CREBRF: variants seen among roughly 807,000 people sequenced by gnomAD.
CREBRF encodes the protein CREB3 regulatory factor, also known as UPF0474 protein C5orf41.
In CREBRF, 5 loss-of-function variants were observed where a neutral mutation model predicts 66.1. The observed-to-expected ratio is 0.08, with a 90% CI of 0.04 to 0.16. CREBRF has a LOEUF of 0.16. Ranked by LOEUF, CREBRF falls within the 10% of genes least tolerant of loss-of-function variation. CREBRF has a pLI of 1.00. For synonymous variants in CREBRF, 229 were observed against 264.4 expected, an observed-to-expected ratio of 0.87 and a Z score of 1.30; for missense variants, 531 against 744.9, an observed-to-expected ratio of 0.71 and a Z score of 3.34.
chr5:173,123,147 T>C lies in CREBRF; in HGVS notation c.1749T>C (p.Asp583=). The change falls in exon 8 of 9, where the codon GAT becomes GAC. Residue 583 remains aspartate (D), a synonymous_variant. Coordinates refer to ENST00000296953, the MANE Select transcript of CREBRF (RefSeq NM_153607.3). ...EIVNRVQNPR[D]ERGPNMGQKL... is the part of the protein sequence containing the mutation. ...TAAACCGGGTACAGAATCCAAGAGA[T>C]GAGAGAGGACCCAACATGGGGCAGA... is the stretch of plus-strand genomic sequence containing the variant. The C allele has an allele frequency of 6.2e-7, 1 of 1,605,898 alleles. No individual in the cohort carries two copies. Among genetic ancestry groups the C allele is most frequent in the Admixed American group, 1.8e-5 (1 of 56,968 alleles).
At chr5:173,114,653 G>A (rs913278504) in intron 7 of CREBRF, among the ~76,000 whole-genome samples, 2 of 152,068 alleles carry the variant, frequency 1.3e-5, no homozygotes, top group Non-Finnish European at 2.9e-5. Context: ...ATTGTTCCAG[G>A]GACTAGCTTC....
chr5:173,138,002 C>T lies in CREBRF; in HGVS notation c.*4257C>T, dbSNP rs987279875. 14 of 152,076 alleles carry T rather than the reference C, an allele frequency of 9.2e-5. No individual in the cohort carries two copies. The highest frequency in any genetic ancestry group is 3.4e-4 in the African/African-American group (14 of 41,394). The allele number at this position is 152,076 out of a possible 1,614,324, so 9.4% of individuals were successfully genotyped here. A position where few individuals can be genotyped will look rare whatever the true frequency, so the allele number is the denominator to read the frequency against. On this transcript the variant is annotated 3_prime_UTR_variant, in exon 9 of 9. Coordinates refer to ENST00000296953, the MANE Select transcript of CREBRF (RefSeq NM_153607.3). The stretch of plus-strand genomic sequence containing the variant: ...AATTTTGAGAATGCATTGAATTATG[C>T]TTTCAGTGTTAAAGTAAAAGGTTTC...
chr5:173,082,586 C>CA (rs574806715), intron 2 of CREBRF, among the ~76,000 whole-genome samples: 1,424 of 130,120 alleles, frequency 0.011, 15 homozygotes, highest in South Asian at 0.026. Context: ...CAGAAACTTG[C>CA]AAAAAAAAAA....
At chr5:173,066,806 ATCTTT>A (rs1220825343) in intron 1 of CREBRF, among the ~76,000 whole-genome samples, 5 of 136,600 alleles carry the variant, frequency 3.7e-5, no homozygotes, top group Non-Finnish European at 6.2e-5. Context: ...TATTCATTGA[ATCTTT>A]TTTTTTTTTT....
chr5:173,126,670 A>AT (rs1759283015), intron 8 of CREBRF, among the ~76,000 whole-genome samples: 1 of 151,754 alleles, frequency 6.6e-6, no homozygotes, highest in Non-Finnish European at 1.5e-5. Context: ...CTATATGGAA[A>AT]TTTTTTTTTG....
intron 3 of CREBRF, among the ~76,000 whole-genome samples, chr5:173,087,208 A>G (rs1004347822): frequency 1.3e-5 from 2 of 151,876 alleles, no homozygotes; most frequent in Non-Finnish European, 1.5e-5. Flanking sequence ...CGGCCTCCCA[A>G]AGTCCTGGGA....
intron 8 of CREBRF, among the ~76,000 whole-genome samples, chr5:173,126,205 A>C (rs556434852): frequency 1.1e-4 from 17 of 152,070 alleles, no homozygotes; most frequent in African/African-American, 4.1e-4. Context: ...CAGTGGCGTG[A>C]TCTTGGCTCC....
chr5:173,075,948 T>C (rs1757748690), intron 1 of CREBRF, among the ~76,000 whole-genome samples: 1 of 150,740 alleles, frequency 6.6e-6, no homozygotes, highest in African/African-American at 2.4e-5. Flanking sequence ...TCGCTGGGCG[T>C]GGTGGCTTAT....
chr5:173,125,513 G>A (rs576223596), intron 8 of CREBRF, among the ~76,000 whole-genome samples: 162 of 152,222 alleles, frequency 1.1e-3, no homozygotes, highest in Non-Finnish European at 2.0e-3. Flanking sequence ...TTTAAAAGAA[G>A]GTTTGGTTCA....
chr5:173,099,181 G>A (rs544733430), intron 4 of CREBRF, among the ~76,000 whole-genome samples: 3 of 151,864 alleles, frequency 2.0e-5, no homozygotes, highest in South Asian at 4.2e-4. Context: ...TTTGAGACAG[G>A]TTCTTATTCT....
chr5:173,125,336 C>T (rs1561581875), intron 8 of CREBRF, among the ~76,000 whole-genome samples: 1 of 152,040 alleles, frequency 6.6e-6, no homozygotes, highest in Non-Finnish European at 1.5e-5. Flanking sequence ...TTTCTGAATT[C>T]TGTCACCTTA....
chr5:173,099,244 C>G (rs1758556016), intron 4 of CREBRF, among the ~76,000 whole-genome samples: 1 of 152,124 alleles, frequency 6.6e-6, no homozygotes, highest in Non-Finnish European at 1.5e-5. Flanking sequence ...CAGCCTTGAC[C>G]TGCCAGACTC....
intron 1 of CREBRF, among the ~76,000 whole-genome samples, chr5:173,069,530 C>T (rs1466440990): frequency 6.6e-6 from 1 of 152,030 alleles, no homozygotes; most frequent in Non-Finnish European, 1.5e-5. Context: ...CCATGTTGGC[C>T]AGGCTGGTCT....
At chr5:173,089,635 A>G (rs535403151) in intron 3 of CREBRF, among the ~76,000 whole-genome samples, 6 of 151,310 alleles carry the variant, frequency 4.0e-5, no homozygotes, top group African/African-American at 9.7e-5. Flanking sequence ...CAGCCTGGTC[A>G]ACATGGTAAA....
At chr5:173,114,600 G>GTAC (rs1179072455) in intron 7 of CREBRF, among the ~76,000 whole-genome samples, 1 of 152,170 alleles carries the variant, frequency 6.6e-6, no homozygotes, top group Non-Finnish European at 1.5e-5. Context: ...TATGAAAAAT[G>GTAC]TACTCTGTTG....
Position 173,133,747 on chromosome 5 carries a change from C to G in CREBRF, c.*2C>G. The G allele has an allele frequency of 1.3e-6, 2 of 1,496,874 alleles. No individual in the cohort carries two copies. The allele number at this position is 1,496,874 out of a possible 1,614,324, so 92.7% of individuals were successfully genotyped here. On this transcript the variant is annotated 3_prime_UTR_variant, in exon 9 of 9. Transcript: ENST00000296953. ...AGGATACCAACATCAAAGGTGTAAT[C>G]AGCCTCATTGGACCACTGGTCAGAA... is the stretch of plus-strand genomic sequence containing the variant.
At position 173,090,992 on chromosome 5, in the gene CREBRF, A is replaced by G; in HGVS notation, c.813A>G (p.Ala271=). 1.9e-6 allele frequency: 3 copies of G among 1,614,186 alleles called. No homozygotes were observed. Among genetic ancestry groups the G allele is most frequent in the Non-Finnish European group, 2.5e-6 (3 of 1,180,038 alleles). The change falls in exon 4 of 9, where the codon GCA becomes GCG. Residue 271 remains alanine (A), a synonymous_variant. Transcript: ENST00000296953. This position sits in a 1 kb window ranked among gnomAD's most constrained non-coding sequence, Gnocchi z 4.5. ...KENTCYCGAV[A]KRQEKKGMEP... Reference sequence around the variant, plus strand: ...ACACCTGCTACTGTGGTGCAGTGGCAAAGAGACAAGAGAAAAAAGGGATGG... The same window carrying G: ...ACACCTGCTACTGTGGTGCAGTGGCGAAGAGACAAGAGAAAAAAGGGATGG...
At chr5:173,058,779 C>T (rs1264010994) in intron 1 of CREBRF, among the ~76,000 whole-genome samples, 2 of 146,408 alleles carry the variant, frequency 1.4e-5, no homozygotes, top group African/African-American at 5.0e-5. Context: ...GCCACCGCGC[C>T]CAGCCTCTTT....
chr5:173,100,132 T>TATAA (rs1561808327), intron 4 of CREBRF, among the ~76,000 whole-genome samples: 2 of 76,678 alleles, frequency 2.6e-5, no homozygotes, highest in African/African-American at 5.5e-5. Context: ...ATATATATAA[T>TATAA]TTTTTTTTTT....
Sources: allele counts gnomAD v4.1 joint callset (sites outside exome capture counted in the v4.1 genomes callset), GRCh38; gene constraint gnomAD v4.1.1; non-coding constraint Gnocchi (gnomAD v3.1); transcripts MANE v1.5; gene names NCBI Gene and HGNC (gene_info 2026-07-23, HGNC 2026-07-21).